The following ABCA9 variants were observed in gnomAD, a reference collection of about 807,000 sequenced individuals.
ABCA9 encodes the protein ATP-binding cassette sub-family A member 9.
ABCA9 carries 183 observed loss-of-function variants against 205.3 expected under a neutral mutation model. The observed-to-expected ratio is 0.89, with a 90% confidence interval of 0.79 to 1.01. The LOEUF (loss-of-function observed/expected upper bound fraction) is 1.01, where lower values mean the gene tolerates loss of function less well. Among genes scored for constraint, ABCA9 ranks in the 50% least tolerant of loss-of-function variants. ABCA9 has a pLI of 0.00. For missense variants in ABCA9, 1,805 were observed against 1,912.4 expected, an observed-to-expected ratio of 0.94 and a Z score of 1.05; for synonymous variants, 651 against 683.3, an observed-to-expected ratio of 0.95 and a Z score of 0.74.
Position 69,016,257 on chromosome 17 carries a change from A to G in ABCA9, c.3035T>C (p.Phe1012Ser). 2.5e-6 allele frequency: 4 copies of G among 1,571,746 alleles called. No homozygotes were observed. The highest frequency in any genetic ancestry group is 3.4e-6 in the Non-Finnish European group (4 of 1,165,434). Residue 1012 changes from phenylalanine (F) to serine (S), a missense_variant, in exon 22 of 39, where the codon TTT becomes TCT. Transcript: ENST00000340001. Reference protein sequence around the residue: ...EHIQTDRSTFFEEHMDYEYGY... With the variant: ...EHIQTDRSTFSEEHMDYEYGY... ...ATGAGATATAATTATACTTACTTCA[A>G]AAAATGTGCTTCTGTCAGTCTGAAT...
chr17:69,020,392 T>A lies in ABCA9; in HGVS notation c.2596A>T (p.Thr866Ser). 1 of 1,612,796 alleles carries A rather than the reference T, an allele frequency of 6.2e-7. No individual in the cohort carries two copies. The highest frequency in any genetic ancestry group is 1.3e-5 in the African/African-American group (1 of 74,880). Residue 866 changes from threonine (T) to serine (S), a missense_variant, in exon 19 of 39, where the codon ACT (threonine) becomes TCT (serine). Transcript: ENST00000340001. ...CTGAAACACTCAGATACTCACATAG[T>A]CCACAGGCTTTTTCTTTCTTTCTTT... ...KLKKERKSLW[T>S]ILLLFGISFI... is the part of the protein sequence containing the mutation.
the ABCA9 span, among the ~76,000 whole-genome samples, chr17:69,072,879 C>G: frequency 2.6e-5 from 4 of 152,112 alleles, no homozygotes; most frequent in Non-Finnish European, 4.4e-5. Flanking sequence ...CACACATAGG[C>G]TGCTCAAAAT....
chr17:69,007,481 T>G (rs763272998), intron 25 of ABCA9, among the ~76,000 whole-genome samples: 2 of 152,208 alleles, frequency 1.3e-5, no homozygotes, highest in African/African-American at 4.8e-5. Flanking sequence ...CACTAAGGTC[T>G]TCTTTAAATA....
intron 6 of ABCA9, among the ~76,000 whole-genome samples, chr17:69,037,634 C>T (rs1298482891): frequency 6.6e-6 from 1 of 151,766 alleles, no homozygotes; most frequent in Non-Finnish European, 1.5e-5. Flanking sequence ...AAATTGATAC[C>T]CTAACATCAC....
chr17:69,042,186 A>C (rs4968992), intron 6 of ABCA9: 1 of 151,986 alleles, frequency 6.6e-6, no homozygotes, highest in Admixed American at 6.6e-5. Context: ...CTCTACTGTC[A>C]TCTCTGGCCA....
intron 22 of ABCA9, among the ~76,000 whole-genome samples, chr17:69,012,750 CTT>C: frequency 6.6e-6 from 1 of 152,224 alleles, no homozygotes; most frequent in African/African-American, 2.4e-5. Flanking sequence ...CAATTATACT[CTT>C]TTAGTTATTT....
At chr17:69,002,006 CT>C (rs1322997325) in intron 25 of ABCA9, among the ~76,000 whole-genome samples, 57 of 151,886 alleles carry the variant, frequency 3.8e-4, no homozygotes, top group African/African-American at 1.3e-3. Context: ...ATTCTTCTCT[CT>C]TTTTTTCTTT....
intron 16 of ABCA9, among the ~76,000 whole-genome samples, chr17:69,025,757 C>T (rs1025318032): frequency 3.3e-5 from 5 of 152,094 alleles, no homozygotes; most frequent in Admixed American, 3.3e-4. Flanking sequence ...GAAACAAAGA[C>T]TATCATTTAC....
At position 69,032,273 on chromosome 17, in the gene ABCA9, T is replaced by G; in HGVS notation, c.1280A>C (p.Glu427Ala). 6.2e-7 allele frequency: 1 copy of G among 1,612,982 alleles called. No homozygotes were observed. Among genetic ancestry groups the G allele is most frequent in the Non-Finnish European group, 8.5e-7 (1 of 1,179,412 alleles). ...TLYFDKILPA[E>A]YGHRCSPLFF... ...CAAGGGAGAACATCGATGTCCATAT[T>G]CAGCTATGTGAGCAGGAGGCAATTG... Residue 427 changes from glutamate (E) to alanine (A), a missense_variant, in exon 10 of 39, where the codon GAA becomes GCA. Transcript: ENST00000340001.
chr17:68,986,811 C>T (rs1380009222), intron 31 of ABCA9: 1 of 152,464 alleles, frequency 6.6e-6, no homozygotes, highest in Non-Finnish European at 1.5e-5. Flanking sequence ...GTATTACTGG[C>T]ATCTAGTAAG....
In ABCA9 at chr17:69,035,396, C is replaced by A. The variant is rs199824153; in HGVS notation, c.978G>T (p.Lys326Asn). ...CAACCAAGCCCGTAAGGAAAGGTTT[C>A]TTTATCAACACACTCATCAGGAAAG... ...TLAFLMSVLI[K>N]KPFLTGLVVF... The change falls in exon 8 of 39, where the codon AAG (lysine) becomes AAT (asparagine). Residue 326 changes from lysine (K) to asparagine (N), a missense_variant. Coordinates refer to ENST00000340001, the MANE Select transcript of ABCA9 (RefSeq NM_080283.4). The A allele has an allele frequency of 2.9e-5, 46 of 1,602,612 alleles. No individual in the cohort carries two copies. The East Asian group carries it at 1.0e-3, about 35-fold the overall frequency.
chr17:69,052,728 T>A (rs2071947643), intron 1 of ABCA9, among the ~76,000 whole-genome samples: 2 of 152,114 alleles, frequency 1.3e-5, no homozygotes, highest in South Asian at 2.1e-4. Context: ...TTACAGCAGA[T>A]CCCACAGATT....
At chr17:69,039,809 G>T (rs959139109) in intron 6 of ABCA9, among the ~76,000 whole-genome samples, 2 of 152,112 alleles carry the variant, frequency 1.3e-5, no homozygotes, top group African/African-American at 4.8e-5. Flanking sequence ...CTATCCATCT[G>T]ACAAAGGTCT....
In ABCA9 at chr17:69,001,483, G is replaced by T. The variant is rs370756765; in HGVS notation, c.3436-5469C>A. On this transcript the variant is annotated intron_variant, in intron 25 of 38. Transcript: ENST00000340001. ...GGATGAAGCCCACTTGATCATGGTG[G>T]ATAAGCTTTTTGATGTGCTGCTGGA... 1.8e-4 allele frequency among the ~76,000 whole-genome samples: 26 copies of T among 148,500 alleles called. 1 individual carries two copies. The East Asian group carries it at 4.7e-3, about 27-fold the overall frequency.
intron 8 of ABCA9, chr17:69,034,602 CAT>C: frequency 6.6e-6 from 1 of 152,262 alleles, no homozygotes; most frequent in Admixed American, 6.5e-5. Context: ...TACCAATGGA[CAT>C]TTACGTTGTT....
rs201996878 is a variant in ABCA9 at position 68,996,058 on chromosome 17, T to G, written c.3436-44A>C. ...ATAGCGTCATTAAAGTGTACCAATCTGAATTTTAGGATGTTTTCTAAGAGG... is the reference window on the plus strand; with the variant it reads ...ATAGCGTCATTAAAGTGTACCAATCGGAATTTTAGGATGTTTTCTAAGAGG... On this transcript the variant is annotated intron_variant, in intron 25 of 38. Coordinates refer to ENST00000340001, the MANE Select transcript of ABCA9 (RefSeq NM_080283.4). 1.1e-5 allele frequency: 18 copies of G among 1,578,878 alleles called. No homozygotes were observed. In the African/African-American group the frequency reaches 2.2e-4, roughly 19 times the overall value.
chr17:69,040,127 C>A (rs572994133), intron 6 of ABCA9, among the ~76,000 whole-genome samples: 149 of 152,286 alleles, frequency 9.8e-4, no homozygotes, highest in Non-Finnish European at 1.8e-3. Context: ...ACTAATTCAA[C>A]CATTGTGGAA....
At position 69,026,471 on chromosome 17, in the gene ABCA9, G is replaced by T. The variant is rs1397990932; in HGVS notation, c.2051-4C>A. ...TTGGATATGAACACCTTCCTGTCTA[G>T]TTAGAAATAATCAAAAGATAAGTTA... On this transcript the variant is annotated splice_polypyrimidine_tract_variant and splice_region_variant and intron_variant, in intron 15 of 38. Transcript: ENST00000340001. 2 of 1,608,960 alleles carry T rather than the reference G, an allele frequency of 1.2e-6. No homozygotes were observed. Among genetic ancestry groups the T allele is most frequent in the South Asian group, 2.2e-5 (2 of 90,756 alleles).
intron 3 of ABCA9, 51 bp from the exon 4 acceptor site, chr17:69,045,387 T>G (rs1347517458): frequency 6.4e-7 from 1 of 1,551,730 alleles, no homozygotes; most frequent in East Asian, 2.3e-5. Flanking sequence ...AATCTCTACC[T>G]GGCCATATTC....
Sources: gnomAD v4.1 joint callset for allele counts (sites outside exome capture counted in the v4.1 genomes callset) on GRCh38, gnomAD v4.1.1 for gene constraint, MANE v1.5 for transcripts, NCBI Gene and HGNC (gene_info 2026-07-23, HGNC 2026-07-21) for gene names.